The following PBX1 variants were observed in gnomAD, a reference collection of about 807,000 sequenced individuals.
The protein encoded by PBX1 is pre-B-cell leukemia transcription factor 1.
In PBX1, 6 loss-of-function variants were observed where a neutral mutation model predicts 53.4. The ratio of observed to expected loss-of-function variants is 0.11; its 90% CI spans 0.06 to 0.22. PBX1 has a LOEUF of 0.22. Among genes scored for constraint, PBX1 ranks in the 10% least tolerant of loss-of-function variants. The pLI is 1.00. For missense variants in PBX1, 251 were observed against 551.4 expected, an observed-to-expected ratio of 0.46 and a Z score of 5.46; for synonymous variants, 204 against 212.3, an observed-to-expected ratio of 0.96 and a Z score of 0.34.
intron 2 of PBX1, among the ~76,000 whole-genome samples, chr1:164,603,310 G>A (rs1031105640): frequency 3.9e-5 from 6 of 152,062 alleles, no homozygotes; most frequent in African/African-American, 1.2e-4. Flanking sequence ...CAGGAATTTT[G>A]AATAACTGCC....
chr1:164,795,924 C>T (rs1488058057), intron 3 of PBX1, among the ~76,000 whole-genome samples: 2 of 152,072 alleles, frequency 1.3e-5, no homozygotes, highest in Non-Finnish European at 2.9e-5. Context: ...TGTAGCTCAC[C>T]CTCACCCTTA....
intron 2 of PBX1, among the ~76,000 whole-genome samples, chr1:164,778,331 A>T (rs10800049): frequency 6.6e-6 from 1 of 152,006 alleles, no homozygotes; most frequent in Non-Finnish European, 1.5e-5. Flanking sequence ...AACAAATACC[A>T]TGTCTGTTTG....
chr1:164,659,224 A>C (rs1273387161), intron 2 of PBX1, among the ~76,000 whole-genome samples: 1 of 152,216 alleles, frequency 6.6e-6, no homozygotes, highest in Non-Finnish European at 1.5e-5. Flanking sequence ...ATGTGCCCAG[A>C]TTTGCAGATA....
intron 2 of PBX1, among the ~76,000 whole-genome samples, chr1:164,867,037 G>C (rs79840058): frequency 2.5e-4 from 38 of 152,294 alleles, no homozygotes; most frequent in Non-Finnish European, 4.7e-4. Flanking sequence ...GACAGCATCA[G>C]AAAAAGAGTC....
At chr1:164,703,524 A>G (rs1009750344) in intron 2 of PBX1, among the ~76,000 whole-genome samples, 1 of 152,138 alleles carries the variant, frequency 6.6e-6, no homozygotes, top group Non-Finnish European at 1.5e-5. Flanking sequence ...ACACAAACAC[A>G]TATGTACAAA....
At chr1:164,564,226 C>G (rs542165341) in intron 2 of PBX1, among the ~76,000 whole-genome samples, 1 of 152,100 alleles carries the variant, frequency 6.6e-6, no homozygotes, top group East Asian at 1.9e-4. Context: ...CTTACCCGCT[C>G]GCTTTAGAGC....
At chr1:164,814,059 G>A (rs1389410059) in intron 6 of PBX1, 2 of 152,060 alleles carry the variant, frequency 1.3e-5, no homozygotes, top group Non-Finnish European at 2.9e-5. Context: ...CTAAAGTAGA[G>A]GCAAAAGAAA....
chr1:164,647,909 G>A (rs1373265802), intron 2 of PBX1, among the ~76,000 whole-genome samples: 1 of 151,786 alleles, frequency 6.6e-6, no homozygotes, highest in African/African-American at 2.4e-5. Context: ...CCGCCTCCCG[G>A]GTTCATGCCA....
At chr1:164,678,420 C>T (rs1277863255) in intron 2 of PBX1, among the ~76,000 whole-genome samples, 1 of 152,176 alleles carries the variant, frequency 6.6e-6, no homozygotes, top group Non-Finnish European at 1.5e-5. Context: ...AAACACAATT[C>T]ATTTGGCAAT....
chr1:164,664,429 G>A (rs57608380), intron 2 of PBX1, among the ~76,000 whole-genome samples: 24,240 of 152,142 alleles, frequency 0.16, 2,152 homozygotes, highest in African/African-American at 0.24. Flanking sequence ...CATCCTTTGT[G>A]TTGCCGCCAG....
intron 2 of PBX1, among the ~76,000 whole-genome samples, chr1:164,731,623 G>C (rs1242189812): frequency 2.6e-5 from 4 of 152,200 alleles, no homozygotes; most frequent in African/African-American, 9.6e-5. Context: ...ATCAGATGCT[G>C]TCAGATGAAT....
intron 2 of PBX1, among the ~76,000 whole-genome samples, chr1:164,616,048 C>G (rs1360693857): frequency 6.6e-6 from 1 of 152,100 alleles, no homozygotes; most frequent in Non-Finnish European, 1.5e-5. Context: ...CAGGATATGT[C>G]TATGTGAAAT....
At chr1:164,785,678 GTCCCAGGATCCAGC>G (rs1449345638) in intron 2 of PBX1, among the ~76,000 whole-genome samples, 2 of 152,214 alleles carry the variant, frequency 1.3e-5, no homozygotes, top group East Asian at 3.9e-4. Flanking sequence ...GTCATCCAAG[GTCCCAGGATCCAGC>G]TCATTCCTGT....
intron 2 of PBX1, among the ~76,000 whole-genome samples, chr1:164,679,905 T>C (rs1661653101): frequency 7.4e-6 from 1 of 135,256 alleles, no homozygotes; most frequent in Non-Finnish European, 1.6e-5. Context: ...AAATTATGTC[T>C]TATGACTCCA....
chr1:164,679,728 T>A (rs76191640), intron 2 of PBX1, among the ~76,000 whole-genome samples: 3,242 of 152,296 alleles, frequency 0.021, 130 homozygotes, highest in African/African-American at 0.074. Flanking sequence ...TGTTTCACAG[T>A]TATGTTCTAA....
At chr1:164,814,429 A>C (rs1486511112) in intron 6 of PBX1, 3 of 152,136 alleles carry the variant, frequency 2.0e-5, no homozygotes, top group Non-Finnish European at 4.4e-5. Flanking sequence ...AAATATAAGT[A>C]CTCATTTCTA....
At chr1:164,728,140 C>CA (rs1484652233) in intron 2 of PBX1, among the ~76,000 whole-genome samples, 3 of 151,958 alleles carry the variant, frequency 2.0e-5, no homozygotes, top group Admixed American at 1.3e-4. Flanking sequence ...GCCTGGGCCA[C>CA]ATAGTAGACC....
At chr1:164,798,759 A>C (rs966976199) in intron 3 of PBX1, among the ~76,000 whole-genome samples, 3 of 152,222 alleles carry the variant, frequency 2.0e-5, no homozygotes, top group African/African-American at 7.2e-5. Flanking sequence ...GAATCCTCTC[A>C]ATCATGTTTT....
At chr1:164,648,205 A>C (rs1026772210) in intron 2 of PBX1, among the ~76,000 whole-genome samples, 3 of 152,212 alleles carry the variant, frequency 2.0e-5, no homozygotes, top group Non-Finnish European at 4.4e-5. Context: ...GTGTGCCCAA[A>C]GAAAGGCAAA....
Sources: allele counts gnomAD v4.1 joint callset (sites outside exome capture counted in the v4.1 genomes callset), GRCh38; gene constraint gnomAD v4.1.1; transcripts MANE v1.5; gene names NCBI Gene and HGNC (gene_info 2026-07-23, HGNC 2026-07-21).